The following NRCAM variants were observed in gnomAD, a reference collection of about 807,000 sequenced individuals.
NRCAM encodes the protein neuronal cell adhesion molecule, also known as NgCAM-related cell adhesion molecule.
A neutral mutation model predicts 156.5 loss-of-function variants in NRCAM; 83 were observed. The observed-to-expected ratio is 0.53, with a 90% CI of 0.44 to 0.64. The LOEUF is 0.64. NRCAM is among the 30% of genes least tolerant of loss of function. NRCAM has a pLI of 0.00. For missense variants in NRCAM, 1,417 were observed against 1,597.3 expected, an observed-to-expected ratio of 0.89 and a Z score of 1.92; for synonymous variants, 538 against 563.9, an observed-to-expected ratio of 0.95 and a Z score of 0.65.
At chr7:108,214,095 A>T (rs1410278118) in intron 11 of NRCAM, among the ~76,000 whole-genome samples, 1 of 152,142 alleles carries the variant, frequency 6.6e-6, no homozygotes, top group African/African-American at 2.4e-5. Flanking sequence ...TGGTATCAGG[A>T]TGATGCTGGC....
chr7:108,189,617 C>G (rs370347596), intron 20 of NRCAM, 28 bp downstream of exon 20: 2 of 918,492 alleles, frequency 2.2e-6, no homozygotes, highest in Non-Finnish European at 3.6e-6. Flanking sequence ...TTTAGTTGAT[C>G]GGAAATAGAG....
intron 3 of NRCAM, among the ~76,000 whole-genome samples, chr7:108,306,358 A>G (rs898711132): frequency 3.3e-5 from 5 of 152,124 alleles, no homozygotes; most frequent in African/African-American, 9.7e-5. Flanking sequence ...GCTTTTACCA[A>G]TGTTAAAGGT....
At chr7:108,361,645 C>G (rs1405965109) in intron 2 of NRCAM, among the ~76,000 whole-genome samples, 1 of 152,140 alleles carries the variant, frequency 6.6e-6, no homozygotes, top group Non-Finnish European at 1.5e-5. Context: ...TGGTTCCCAC[C>G]CTTTAGACTC....
chr7:108,252,573 A>G (rs925379113), intron 3 of NRCAM, among the ~76,000 whole-genome samples: 15 of 152,236 alleles, frequency 9.9e-5, no homozygotes, highest in Admixed American at 2.0e-4. Flanking sequence ...ATAGCTGCAG[A>G]AGGCCTGTTA....
chr7:108,453,311 T>C (rs929733020), intron 1 of NRCAM, among the ~76,000 whole-genome samples: 1 of 152,220 alleles, frequency 6.6e-6, no homozygotes, highest in African/African-American at 2.4e-5. Flanking sequence ...AAAGCATTAT[T>C]TGAAATGATT....
At chr7:108,226,181 G>T in intron 9 of NRCAM, 27 bp downstream of exon 9, 9 of 1,509,476 alleles carry the variant, frequency 6.0e-6, no homozygotes, top group Non-Finnish European at 8.1e-6. Flanking sequence ...GTCATTGAAG[G>T]GGAGATTTGG....
chr7:108,378,168 T>G lies in NRCAM; in HGVS notation c.-174+21268A>C, dbSNP rs572934703. The stretch of plus-strand genomic sequence containing the variant: ...CACAGACCTGCCAAGACTTCCTATG[T>G]TGGAATACTAAAATCAAAATATAAA... On this transcript the variant is annotated intron_variant, in intron 2 of 32. Coordinates refer to ENST00000379028, the MANE Select transcript of NRCAM (RefSeq NM_001037132.4). 2.0e-5 allele frequency among the ~76,000 whole-genome samples: 3 copies of G among 152,224 alleles called. No homozygotes were observed. The South Asian group carries it at 6.2e-4, about 32-fold the overall frequency.
intron 3 of NRCAM, among the ~76,000 whole-genome samples, chr7:108,270,239 G>A (rs780816473): frequency 9.9e-5 from 15 of 152,164 alleles, no homozygotes; most frequent in Non-Finnish European, 1.8e-4. Flanking sequence ...CATTGTTTCT[G>A]GTACATCCTG....
chr7:108,450,205 G>A (rs866169674), intron 1 of NRCAM, among the ~76,000 whole-genome samples: 6 of 147,136 alleles, frequency 4.1e-5, no homozygotes, highest in African/African-American at 1.5e-4. Flanking sequence ...CATTAGGACA[G>A]TATGTGAGTA....
chr7:108,184,894 A>C (rs985155175), intron 20 of NRCAM, among the ~76,000 whole-genome samples: 11 of 152,062 alleles, frequency 7.2e-5, no homozygotes, highest in Admixed American at 5.2e-4. Context: ...CATATATTTA[A>C]ACTTTTTAGG....
intron 3 of NRCAM, among the ~76,000 whole-genome samples, chr7:108,279,299 T>C (rs2097767179): frequency 6.6e-6 from 1 of 152,240 alleles, no homozygotes; most frequent in African/African-American, 2.4e-5. Flanking sequence ...GGTGAAAATA[T>C]TTGACATTTT....
intron 3 of NRCAM, among the ~76,000 whole-genome samples, chr7:108,311,701 G>C (rs1053042536): frequency 3.3e-5 from 5 of 152,144 alleles, no homozygotes; most frequent in African/African-American, 1.2e-4. Flanking sequence ...ACAACACAAT[G>C]GAAGCAAATT....
chr7:108,215,342 A>G (rs1198762541), intron 11 of NRCAM, among the ~76,000 whole-genome samples: 2 of 151,288 alleles, frequency 1.3e-5, no homozygotes, highest in African/African-American at 4.9e-5. Context: ...CCTCCCAAGT[A>G]GCTGGGACTA....
intron 2 of NRCAM, among the ~76,000 whole-genome samples, chr7:108,385,392 A>G (rs557679929): frequency 1.3e-5 from 2 of 152,342 alleles, no homozygotes; most frequent in East Asian, 3.9e-4. Context: ...AGAATTTCAG[A>G]GATGTGACAC....
intron 11 of NRCAM, among the ~76,000 whole-genome samples, chr7:108,214,045 G>C (rs551738874): frequency 6.6e-6 from 1 of 152,248 alleles, no homozygotes; most frequent in East Asian, 1.9e-4. Context: ...AGGGATATTG[G>C]CCTGAAATTT....
At chr7:108,392,705 T>C (rs1480198520) in intron 2 of NRCAM, among the ~76,000 whole-genome samples, 1 of 152,186 alleles carries the variant, frequency 6.6e-6, no homozygotes, top group Non-Finnish European at 1.5e-5. Context: ...TGGTTTTATC[T>C]ACCTTTGGTC....
intron 1 of NRCAM, among the ~76,000 whole-genome samples, chr7:108,413,633 T>C (rs1000588361): frequency 2.0e-5 from 3 of 152,318 alleles, no homozygotes; most frequent in East Asian, 1.9e-4. Flanking sequence ...TTAGTCTAAA[T>C]TGGCTTTTAG....
chr7:108,439,360 CA>C (rs1166903867), intron 1 of NRCAM, among the ~76,000 whole-genome samples: 1 of 152,050 alleles, frequency 6.6e-6, no homozygotes, highest in Non-Finnish European at 1.5e-5. Flanking sequence ...AACTTGTATC[CA>C]GAAAATATTT....
intron 2 of NRCAM, among the ~76,000 whole-genome samples, chr7:108,357,933 G>C (rs1014323560): frequency 1.5e-5 from 2 of 130,228 alleles, no homozygotes; most frequent in African/African-American, 5.5e-5. Context: ...ACCTTAAATA[G>C]ACTACATATG....
Sources: gnomAD v4.1 joint callset for allele counts (sites outside exome capture counted in the v4.1 genomes callset) on GRCh38, gnomAD v4.1.1 for gene constraint, MANE v1.5 for transcripts, NCBI Gene and HGNC (gene_info 2026-07-23, HGNC 2026-07-21) for gene names.